The following SLC8A1 variants were observed in gnomAD, a reference collection of about 807,000 sequenced individuals.
The protein encoded by SLC8A1 is solute carrier family 8 member A1, also known as sodium/calcium exchanger 1.
SLC8A1 carries 18 observed loss-of-function variants against 68.3 expected under a neutral mutation model. That is an observed-to-expected ratio of 0.26 (90% confidence interval 0.18 to 0.39). The LOEUF (loss-of-function observed/expected upper bound fraction) is 0.39. Ranked by LOEUF, SLC8A1 falls within the 10% of genes least tolerant of loss-of-function variation. SLC8A1 has a pLI of 1.00. For missense variants in SLC8A1, 985 were observed against 1,156.7 expected, an observed-to-expected ratio of 0.85 and a Z score of 2.15; for synonymous variants, 475 against 415.5, an observed-to-expected ratio of 1.14 and a Z score of -1.74.
chr2:40,117,395 A>G (rs1441055827), intron 7 of SLC8A1, among the ~76,000 whole-genome samples: 19 of 29,158 alleles, frequency 6.5e-4, no homozygotes, highest in Non-Finnish European at 8.5e-4. Flanking sequence ...AAAAATACAA[A>G]AAAAAAAAAA....
At chr2:40,458,201 T>C (rs946434448) in intron 1 of SLC8A1, among the ~76,000 whole-genome samples, 2 of 152,216 alleles carry the variant, frequency 1.3e-5, no homozygotes, top group African/African-American at 4.8e-5. Context: ...CAAATTTCAC[T>C]ATTAATAGAA....
chr2:40,248,144 A>G (rs2062147287), intron 2 of SLC8A1, among the ~76,000 whole-genome samples: 2 of 152,192 alleles, frequency 1.3e-5, no homozygotes, highest in Admixed American at 1.3e-4. Context: ...TTTTGATGAC[A>G]TTAAGATATG....
chr2:40,279,771 A>G (rs920738509), intron 2 of SLC8A1, among the ~76,000 whole-genome samples: 4 of 152,208 alleles, frequency 2.6e-5, no homozygotes, highest in African/African-American at 9.6e-5. Context: ...AAGTTGGTAC[A>G]TTCTGTTTTT....
At chr2:40,198,744 C>T (rs1558714260) in intron 2 of SLC8A1, among the ~76,000 whole-genome samples, 1 of 151,796 alleles carries the variant, frequency 6.6e-6, no homozygotes, top group Non-Finnish European at 1.5e-5. Flanking sequence ...GGTAGGTTCC[C>T]TCTTTAAGGC....
chr2:40,218,470 T>C (rs1420909227), intron 2 of SLC8A1, among the ~76,000 whole-genome samples: 3 of 152,220 alleles, frequency 2.0e-5, no homozygotes, highest in African/African-American at 7.2e-5. Context: ...ATTGTGGTTT[T>C]TACAATTACT....
intron 2 of SLC8A1, among the ~76,000 whole-genome samples, chr2:40,328,264 G>C (rs1365854142): frequency 6.6e-6 from 1 of 152,128 alleles, no homozygotes; most frequent in African/African-American, 2.4e-5. Context: ...GGTCCACATA[G>C]ACTCCCCAAG....
chr2:40,184,898 C>CAAAAAAAAAAAAAAAAAAAAAAAA (rs66662572), intron 2 of SLC8A1, among the ~76,000 whole-genome samples: 2 of 106,528 alleles, frequency 1.9e-5, no homozygotes, highest in African/African-American at 3.6e-5. Context: ...TAACCAAAAA[C>CAAAAAAAAAAAAAAAAAAAAAAAA]AAAAAAAAAA....
chr2:40,236,955 T>C (rs569691602), intron 2 of SLC8A1, among the ~76,000 whole-genome samples: 1 of 152,188 alleles, frequency 6.6e-6, no homozygotes, highest in Non-Finnish European at 1.5e-5. Context: ...TTGTAGGGTT[T>C]CTGCCGAGAG....
intron 6 of SLC8A1, among the ~76,000 whole-genome samples, chr2:40,141,316 C>T (rs2041521612): frequency 6.6e-6 from 1 of 152,194 alleles, no homozygotes; most frequent in South Asian, 2.1e-4. Context: ...AAAAACCCCT[C>T]TCAGAAAACA....
At chr2:40,410,283 C>CA (rs1691704762) in intron 2 of SLC8A1, among the ~76,000 whole-genome samples, 1 of 152,004 alleles carries the variant, frequency 6.6e-6, no homozygotes, top group African/African-American at 2.4e-5. Context: ...GAAATACCAG[C>CA]AAAATCTTTC....
chr2:40,243,848 C>T (rs1334142546), intron 2 of SLC8A1, among the ~76,000 whole-genome samples: 1 of 152,104 alleles, frequency 6.6e-6, no homozygotes, highest in Non-Finnish European at 1.5e-5. Context: ...TGCTCTAGTG[C>T]CTCCTTCCCT....
chr2:40,232,612 T>TTA (rs1373714965), intron 2 of SLC8A1, among the ~76,000 whole-genome samples: 1 of 150,106 alleles, frequency 6.7e-6, no homozygotes, highest in Non-Finnish European at 1.5e-5. Flanking sequence ...TTTTTTTTTT[T>TTA]TATATACTTT....
intron 2 of SLC8A1, among the ~76,000 whole-genome samples, chr2:40,233,987 T>G (rs1354966868): frequency 6.6e-6 from 1 of 152,196 alleles, no homozygotes; most frequent in African/African-American, 2.4e-5. Context: ...CCATGCTGTT[T>G]TGGTTACTGT....
chr2:40,490,440 T>G (rs1371368641), intron 1 of SLC8A1, among the ~76,000 whole-genome samples: 1 of 152,174 alleles, frequency 6.6e-6, no homozygotes, highest in Non-Finnish European at 1.5e-5. Context: ...ATGGAATGCA[T>G]AAACTATGTT....
At chr2:40,467,819 G>A (rs1703782047) in intron 1 of SLC8A1, among the ~76,000 whole-genome samples, 1 of 152,032 alleles carries the variant, frequency 6.6e-6, no homozygotes, top group Non-Finnish European at 1.5e-5. Context: ...TAAATTTTAT[G>A]GTTACCACCT....
intron 2 of SLC8A1, among the ~76,000 whole-genome samples, chr2:40,307,346 TTAA>T (rs2149290675): frequency 6.6e-6 from 1 of 152,068 alleles, no homozygotes; most frequent in African/African-American, 2.4e-5. Flanking sequence ...AGTAGTAAAA[TTAA>T]TAGAAAGCAA....
At chr2:40,185,611 G>A (rs899233431) in intron 2 of SLC8A1, among the ~76,000 whole-genome samples, 14 of 152,154 alleles carry the variant, frequency 9.2e-5, no homozygotes, top group African/African-American at 3.4e-4. Context: ...GGCCGGGTGG[G>A]GTGGAGGGAG....
At chr2:40,322,626 T>G (rs916111220) in intron 2 of SLC8A1, among the ~76,000 whole-genome samples, 1 of 151,702 alleles carries the variant, frequency 6.6e-6, no homozygotes, top group Non-Finnish European at 1.5e-5. Context: ...CAGGGAGCTG[T>G]GATGACATCA....
chr2:40,463,249 C>T (rs767269541), intron 1 of SLC8A1, among the ~76,000 whole-genome samples: 1 of 152,070 alleles, frequency 6.6e-6, no homozygotes, highest in African/African-American at 2.4e-5. Context: ...ACAAAAGCAG[C>T]TTCGGACACA....
Sources: gnomAD v4.1 joint callset for allele counts (sites outside exome capture counted in the v4.1 genomes callset) on GRCh38, gnomAD v4.1.1 for gene constraint, MANE v1.5 for transcripts, NCBI Gene and HGNC (gene_info 2026-07-23, HGNC 2026-07-21) for gene names.